The following PTPRT variants were observed in gnomAD, a reference collection of about 807,000 sequenced individuals.
The protein encoded by PTPRT is receptor-type tyrosine-protein phosphatase T.
In PTPRT, 56 loss-of-function variants were observed where a neutral mutation model predicts 176.8. The ratio of observed to expected loss-of-function variants is 0.32; its 90% CI spans 0.26 to 0.40. PTPRT has a LOEUF of 0.40. PTPRT is among the 10% of genes least tolerant of loss of function. PTPRT has a pLI of 1.00. For missense variants in PTPRT, 1,540 were observed against 1,908.2 expected, an observed-to-expected ratio of 0.81 and a Z score of 3.60; for synonymous variants, 783 against 739.0, an observed-to-expected ratio of 1.06 and a Z score of -0.96.
chr20:42,996,810 A>T (rs1984246618), intron 1 of PTPRT, among the ~76,000 whole-genome samples: 1 of 152,218 alleles, frequency 6.6e-6, no homozygotes, highest in African/African-American at 2.4e-5. Context: ...AGCAAGTCTC[A>T]TAATAGCTAT....
At chr20:42,794,982 C>T (rs538756986) in intron 2 of PTPRT, among the ~76,000 whole-genome samples, 200 of 152,214 alleles carry the variant, frequency 1.3e-3, no homozygotes, top group Non-Finnish European at 2.2e-3. Context: ...AGCTCAAGCG[C>T]GCCACTAGAG....
At chr20:42,914,478 C>G (rs984133113) in intron 1 of PTPRT, among the ~76,000 whole-genome samples, 1 of 152,152 alleles carries the variant, frequency 6.6e-6, no homozygotes, top group Non-Finnish European at 1.5e-5. Flanking sequence ...CATTTGCATC[C>G]ATACAATAAA....
chr20:42,801,063 C>A (rs1293568021), intron 2 of PTPRT, among the ~76,000 whole-genome samples: 2 of 152,118 alleles, frequency 1.3e-5, no homozygotes, highest in African/African-American at 4.8e-5. Context: ...AGCTCCATAA[C>A]CCTGTCCAAG....
intron 13 of PTPRT, among the ~76,000 whole-genome samples, chr20:42,255,039 AGG>A (rs1382475616): frequency 6.6e-6 from 1 of 151,884 alleles, no homozygotes; most frequent in Non-Finnish European, 1.5e-5. Flanking sequence ...CCACAAAGGC[AGG>A]GGAATGTGTC....
At chr20:42,942,311 C>G (rs750850586) in intron 1 of PTPRT, among the ~76,000 whole-genome samples, 10 of 152,210 alleles carry the variant, frequency 6.6e-5, no homozygotes, top group Non-Finnish European at 8.8e-5. Flanking sequence ...CATTTTAACA[C>G]CCAACCCATC....
chr20:42,693,742 G>T (rs73095839), intron 6 of PTPRT, among the ~76,000 whole-genome samples: 13,189 of 152,096 alleles, frequency 0.087, 709 homozygotes, highest in Middle Eastern at 0.15. Flanking sequence ...TATGTAAAAG[G>T]TAAACAATAA....
intron 16 of PTPRT, among the ~76,000 whole-genome samples, chr20:42,198,394 G>T (rs113627045): frequency 1.2e-4 from 19 of 152,094 alleles, no homozygotes; most frequent in Admixed American, 2.0e-4. Context: ...CAAAATGGAG[G>T]TTCTTCCATT....
chr20:42,380,463 T>G (rs2058688432), intron 9 of PTPRT, among the ~76,000 whole-genome samples: 1 of 152,172 alleles, frequency 6.6e-6, no homozygotes, highest in Non-Finnish European at 1.5e-5. Context: ...CCTGGCCTGG[T>G]TGGTTTCAGA....
intron 15 of PTPRT, among the ~76,000 whole-genome samples, chr20:42,211,094 T>G (rs1382925242): frequency 6.6e-6 from 1 of 152,312 alleles, no homozygotes; most frequent in Non-Finnish European, 1.5e-5. Context: ...GCTAGCCATA[T>G]GTAGAAAGCT....
At chr20:43,073,509 CGT>C (rs936243418) in intron 1 of PTPRT, among the ~76,000 whole-genome samples, 3 of 150,600 alleles carry the variant, frequency 2.0e-5, no homozygotes, top group East Asian at 2.1e-4. Flanking sequence ...GCTATACACA[CGT>C]GTGTATATAT....
intron 1 of PTPRT, among the ~76,000 whole-genome samples, chr20:42,987,456 G>C (rs1398596583): frequency 6.6e-6 from 1 of 152,182 alleles, no homozygotes; most frequent in Non-Finnish European, 1.5e-5. Context: ...CTCTGGCTTA[G>C]CTGACAAAAT....
Position 42,079,761 on chromosome 20 carries a change from G to A in PTPRT, c.*1118C>T, listed in dbSNP as rs985776360. Reference sequence around the variant, plus strand: ...GGACATCCAAATTATGCACAAAGCTGGTGCTCTATTTGCCCCAGAAACCAA... The same window carrying A: ...GGACATCCAAATTATGCACAAAGCTAGTGCTCTATTTGCCCCAGAAACCAA... On this transcript the variant is annotated 3_prime_UTR_variant, in exon 31 of 31. Coordinates refer to ENST00000373187, the MANE Select transcript of PTPRT (RefSeq NM_007050.6). 2 of 229,202 alleles carry A rather than the reference G, an allele frequency of 8.7e-6. No homozygotes were observed. Among genetic ancestry groups the A allele is most frequent in the African/African-American group, 4.4e-5 (2 of 45,088 alleles). 14.2% of individuals were successfully genotyped at this position (229,202 alleles called of 1,614,324 possible).
intron 6 of PTPRT, among the ~76,000 whole-genome samples, chr20:42,705,376 G>A (rs1386632322): frequency 1.3e-5 from 2 of 151,348 alleles, no homozygotes; most frequent in Non-Finnish European, 1.5e-5. Context: ...TTTGGGATAG[G>A]TGGTGGAGTT....
At chr20:43,085,585 G>A (rs1431224196) in intron 1 of PTPRT, among the ~76,000 whole-genome samples, 1 of 152,186 alleles carries the variant, frequency 6.6e-6, no homozygotes, top group East Asian at 1.9e-4. Context: ...ATGGCAGAAG[G>A]TGAATGAGGA....
intron 2 of PTPRT, among the ~76,000 whole-genome samples, chr20:42,871,242 G>A (rs772901458): frequency 1.7e-4 from 25 of 150,818 alleles, no homozygotes; most frequent in Middle Eastern, 3.4e-3. Flanking sequence ...ATGAACCACC[G>A]TGCCTGGCCG....
chr20:42,311,242 A>C (rs139231980), intron 12 of PTPRT, among the ~76,000 whole-genome samples: 135 of 152,246 alleles, frequency 8.9e-4, no homozygotes, highest in African/African-American at 3.1e-3. Context: ...GACATATTGC[A>C]TGTGCTTGAC....
chr20:42,874,965 T>C (rs1401539195), intron 2 of PTPRT, among the ~76,000 whole-genome samples: 2 of 152,228 alleles, frequency 1.3e-5, no homozygotes, highest in African/African-American at 4.8e-5. Context: ...CTCAGCTCAC[T>C]GCAACCTCTG....
intron 7 of PTPRT, among the ~76,000 whole-genome samples, chr20:42,608,239 C>T (rs888819689): frequency 1.7e-4 from 26 of 152,216 alleles, no homozygotes; most frequent in Non-Finnish European, 1.3e-4. Context: ...CAGCCACAGC[C>T]CCTGCCCCAG....
At chr20:42,614,820 T>C (rs1409192213) in intron 7 of PTPRT, among the ~76,000 whole-genome samples, 1 of 151,996 alleles carries the variant, frequency 6.6e-6, no homozygotes, top group East Asian at 1.9e-4. Context: ...CTCACAATCA[T>C]GGCAGAAGGC....
Sources: allele counts gnomAD v4.1 joint callset (sites outside exome capture counted in the v4.1 genomes callset), GRCh38; gene constraint gnomAD v4.1.1; transcripts MANE v1.5; gene names NCBI Gene and HGNC (gene_info 2026-07-23, HGNC 2026-07-21).